RFC1: variants seen among roughly 807,000 people sequenced by gnomAD.
The protein encoded by RFC1 is A1 140 kDa subunit.
Under a neutral mutation model 137.4 loss-of-function variants are expected in RFC1, and 37 were observed. That is an observed-to-expected ratio of 0.27 (90% CI 0.21 to 0.35). The LOEUF is 0.35. RFC1 is among the 10% of genes least tolerant of loss of function. RFC1 has a pLI of 1.00. For synonymous variants in RFC1, 429 were observed against 455.7 expected, an observed-to-expected ratio of 0.94 and a Z score of 0.75; for missense variants, 1,205 against 1,358.5, an observed-to-expected ratio of 0.89 and a Z score of 1.78.
At chr4:39,307,577 A>G (rs539457257) in intron 13 of RFC1, 1 of 153,404 alleles carries the variant, frequency 6.5e-6, no homozygotes, top group East Asian at 1.9e-4. Context: ...TTAGCCAGGC[A>G]TGGTGGTGTG....
chr4:39,297,989 A>G (rs1026535759), intron 21 of RFC1, among the ~76,000 whole-genome samples: 1 of 152,232 alleles, frequency 6.6e-6, no homozygotes, highest in East Asian at 1.9e-4. Context: ...ACAATTATTA[A>G]GTAAACAAAA....
intron 4 of RFC1, among the ~76,000 whole-genome samples, chr4:39,338,469 C>T (rs2109720080): frequency 6.6e-6 from 1 of 152,178 alleles, no homozygotes; most frequent in South Asian, 2.1e-4. Context: ...TTCTCACAGC[C>T]ACATTTTTAA....
At chr4:39,321,400 T>G in intron 7 of RFC1, 26 bp from the exon 8 acceptor site, 3 of 1,590,328 alleles carry the variant, frequency 1.9e-6, no homozygotes, top group Non-Finnish European at 2.6e-6. Flanking sequence ...AAGTGTCAAA[T>G]GTGACAAATA....
chr4:39,321,320 T>C lies in RFC1; in HGVS notation c.775A>G (p.Ser259Gly), dbSNP rs755402925. Residue 259 changes from serine (S) to glycine (G), a missense_variant, in exon 8 of 25, where the codon AGT becomes GGT. Ser to Gly is a moderately conservative substitution (Grantham distance 56). This residue lies in a region of RFC1 where 962 missense variants were observed against 1,035.3 expected (regional missense o/e 0.93). Transcript: ENST00000349703. ...ETFSSVQANLSKAEKHKYPHK... is the reference protein window; with the variant it reads ...ETFSSVQANLGKAEKHKYPHK... Reference sequence around the variant, plus strand: ...GGATATTTATGTTTTTCTGCTTTACTTAAATTGGCTTGGACAGATGAAAAC... The same window carrying C: ...GGATATTTATGTTTTTCTGCTTTACCTAAATTGGCTTGGACAGATGAAAAC... 1 of 1,613,752 alleles carries C rather than the reference T, an allele frequency of 6.2e-7. No individual in the cohort carries two copies. Among genetic ancestry groups the C allele is most frequent in the Admixed American group, 1.7e-5 (1 of 59,976 alleles).
Position 39,351,482 on chromosome 4 carries a change from A to T in RFC1, c.4-6T>A. On this transcript the variant is annotated splice_region_variant and splice_polypyrimidine_tract_variant and intron_variant, in intron 1 of 24. Transcript: ENST00000349703. ...CCAAAGAATTTCCGAATGTCCTAAA[A>T]GCAAAAAACAGGAGATTCACGAATA... The T allele has an allele frequency of 6.5e-7, 1 of 1,538,620 alleles. No homozygotes were observed. Among genetic ancestry groups the T allele is most frequent in the Non-Finnish European group, 8.7e-7 (1 of 1,147,554 alleles).
In RFC1 at chr4:39,343,059, T is replaced by C. The variant is rs1163567778; in HGVS notation, c.209-592A>G. On this transcript the variant is annotated intron_variant, in intron 3 of 24. Transcript: ENST00000349703. ...TTTTTTTCTTTTTTGAGACGGAGTC[T>C]CGCTCTGTTGTGGAGTGCAGTGGCG... Among the ~76,000 whole-genome samples the C allele has an allele frequency of 2.6e-5, 4 of 152,286 alleles. No individual in the cohort carries two copies. In the South Asian group the frequency reaches 8.3e-4, roughly 32 times the overall value.
rs59032726 is a variant in RFC1 at position 39,353,027 on chromosome 4, G to GACAC, written c.4-1555_4-1552dup. Among the ~76,000 whole-genome samples the GACAC allele has an allele frequency of 6.4e-3, 963 of 150,970 alleles. 4 individuals are homozygous for GACAC. Among genetic ancestry groups the GACAC allele is most frequent in the East Asian group, 0.021 (110 of 5,126 alleles). On this transcript the variant is annotated intron_variant, in intron 1 of 24. Coordinates refer to ENST00000349703, the MANE Select transcript of RFC1 (RefSeq NM_002913.5). ...AATGTCAAAAATCCCAAATAAGTGT[G>GACAC]ACACACACACACACACACACAAATA...
chr4:39,302,981 C>A, intron 16 of RFC1, 79 bp downstream of exon 16: 2 of 1,462,940 alleles, frequency 1.4e-6, no homozygotes, highest in South Asian at 2.3e-5. Context: ...CTTAACTGCC[C>A]TAAGTATGAG....
chr4:39,332,591 T>C (rs967984753), intron 4 of RFC1, among the ~76,000 whole-genome samples: 2 of 152,224 alleles, frequency 1.3e-5, no homozygotes, highest in Admixed American at 6.5e-5. Flanking sequence ...CTTTAGCAAA[T>C]AGCAAAATAC....
rs1237427647 is a variant in RFC1 at position 39,366,350 on chromosome 4, A to T, written c.-109T>A. On this transcript the variant is annotated 5_prime_UTR_variant, in exon 1 of 25. It adds an upstream start codon to the 5' untranslated region. Transcript: ENST00000349703. ...CCAACAACTTCTCCCGCGAAGTGCA[A>T]GAAGGCGAAGACAGTGGCGCGCGGT... 2.3e-6 allele frequency: 3 copies of T among 1,301,048 alleles called. No homozygotes were observed. The highest frequency in any genetic ancestry group is 3.0e-6 in the Non-Finnish European group (3 of 986,394). The allele number at this position is 1,301,048 out of a possible 1,614,324, so 80.6% of individuals were successfully genotyped here. A position where few individuals can be genotyped will look rare whatever the true frequency, so the allele number is the denominator to read the frequency against.
intron 4 of RFC1, among the ~76,000 whole-genome samples, chr4:39,332,841 G>T (rs1187063181): frequency 6.6e-6 from 1 of 152,184 alleles, no homozygotes; most frequent in Non-Finnish European, 1.5e-5. Context: ...TGAAGGGCCG[G>T]ACATGGTGGC....
intron 1 of RFC1, among the ~76,000 whole-genome samples, chr4:39,357,980 T>TA (rs1741566319): frequency 6.6e-6 from 1 of 151,848 alleles, no homozygotes; most frequent in Admixed American, 6.6e-5. Flanking sequence ...AACACAGAAA[T>TA]AAAGTCCAAC....
rs1461904070 is a variant in RFC1 at position 39,295,734 on chromosome 4, C to G, written c.2834G>C (p.Gly945Ala). The change falls in exon 22 of 25, where the codon GGA becomes GCA. Residue 945 changes from glycine to alanine, a missense_variant. This residue lies in a region of RFC1 where 237 missense variants were observed against 304.2 expected (regional missense o/e 0.78). Transcript: ENST00000349703. ...AQAIYASVLPGELMRGYMTQF... is the reference protein window; with the variant it reads ...AQAIYASVLPAELMRGYMTQF... The stretch of plus-strand genomic sequence containing the variant: ...GGTCATGTACCCCCTCATCAACTCT[C>G]CAGGAAGAACACTGGCATAAATGGC... 1 of 1,611,198 alleles carries G rather than the reference C, an allele frequency of 6.2e-7. No individual in the cohort carries two copies.
At chr4:39,321,204 G>A (rs1739502215) in intron 8 of RFC1, 83 bp downstream of exon 8, 1 of 1,049,030 alleles carries the variant, frequency 9.5e-7, no homozygotes. Flanking sequence ...CATAATTACT[G>A]AATAGGATAC....
In RFC1 at chr4:39,290,993, T is replaced by C. The variant is rs1356852267; in HGVS notation, c.3168+646A>G. Among the ~76,000 whole-genome samples the C allele has an allele frequency of 2.0e-5, 3 of 152,180 alleles. No individual in the cohort carries two copies. The South Asian group carries it at 6.2e-4, about 32-fold the overall frequency. On this transcript the variant is annotated intron_variant, in intron 23 of 24. Transcript: ENST00000349703. ...TGAATTAGTCCATGAATTCTAACAA[T>C]GGATGTCTGCTGTGAGAATTTACTG...
rs932890726 is a variant in RFC1, at chr4:39,334,111, G to A, written c.332-6355C>T. 1.8e-4 allele frequency among the ~76,000 whole-genome samples: 28 copies of A among 151,942 alleles called. 1 individual carries two copies. The highest frequency in any genetic ancestry group is 1.8e-3 in the Admixed American group (28 of 15,274). The stretch of plus-strand genomic sequence containing the variant: ...CTTTAATACCTATTTAGTGCCCCCT[G>A]ATTTGCCAATTTCCCCATACTCCTT... On this transcript the variant is annotated intron_variant, in intron 4 of 24. Transcript: ENST00000349703.
Position 39,302,329 on chromosome 4 carries a change from G to A in RFC1, c.2484C>T (p.Thr828=), listed in dbSNP as rs1342774453. ...GAGAATCAGCTTTGGCCTGGTCATAGGTTAATGCTTTACTTCGTGCACACC... is the reference window on the plus strand; with the variant it reads ...GAGAATCAGCTTTGGCCTGGTCATAAGTTAATGCTTTACTTCGTGCACACC... The part of the protein sequence containing the change: ...SMWCARSKAL[T]YDQAKADSHR... Residue 828 remains threonine (T), a synonymous_variant, in exon 19 of 25, where the codon ACC becomes ACT. Transcript: ENST00000349703. 1.2e-6 allele frequency: 2 copies of A among 1,613,334 alleles called. No individual in the cohort carries two copies. Among genetic ancestry groups the A allele is most frequent in the Non-Finnish European group, 8.5e-7 (1 of 1,179,326 alleles).
At position 39,290,995 on chromosome 4, in the gene RFC1, G is replaced by A. The variant is rs17288785; in HGVS notation, c.3168+644C>T. Among the ~76,000 whole-genome samples the A allele has an allele frequency of 6.4e-3, 972 of 152,156 alleles. 16 individuals are homozygous for A. The highest frequency in any genetic ancestry group is 0.022 in the African/African-American group (916 of 41,486). On this transcript the variant is annotated intron_variant, in intron 23 of 24. Coordinates refer to ENST00000349703, the MANE Select transcript of RFC1 (RefSeq NM_002913.5). ...AATTAGTCCATGAATTCTAACAATG[G>A]ATGTCTGCTGTGAGAATTTACTGAT...
chr4:39,311,638 A>G, intron 11 of RFC1, 89 bp from the exon 12 acceptor site: 1 of 863,766 alleles, frequency 1.2e-6, no homozygotes, highest in East Asian at 2.8e-5. Context: ...AGGGCCTATT[A>G]GTAGGTGAAA....
Sources: gnomAD v4.1 joint callset for allele counts (sites outside exome capture counted in the v4.1 genomes callset) on GRCh38, gnomAD v4.1.1 for gene constraint, gnomAD v4.1.1 regional missense constraint, MANE v1.5 for transcripts, NCBI Gene and HGNC (gene_info 2026-07-23, HGNC 2026-07-21) for gene names.